The following CHD7 variants were observed in gnomAD, a reference collection of about 807,000 sequenced individuals.
CHD7 encodes the protein ATP-dependent chromatin remodeler CHD7.
In CHD7, 24 loss-of-function variants were observed where a neutral mutation model predicts 307.3. The ratio of observed to expected loss-of-function variants is 0.08; its 90% CI spans 0.06 to 0.11. The LOEUF (loss-of-function observed/expected upper bound fraction) is 0.11, where lower values mean the gene tolerates loss of function less well. Among genes scored for constraint, CHD7 ranks in the 10% least tolerant of loss-of-function variants. The pLI is 1.00. For synonymous variants in CHD7, 1,363 were observed against 1,349.9 expected (o/e 1.01, Z -0.21); for missense variants, 3,106 against 3,727.1 (o/e 0.83, Z 4.34).
chr8:60,686,033 T>A (rs1586159852), intron 1 of CHD7, among the ~76,000 whole-genome samples: 1 of 152,216 alleles, frequency 6.6e-6, no homozygotes, highest in Admixed American at 6.5e-5. Flanking sequence ...ATTAGGGGTC[T>A]GTTTCAAAGA....
At chr8:60,769,384 TTTAA>T (rs1367454492) in intron 2 of CHD7, among the ~76,000 whole-genome samples, 4 of 152,228 alleles carry the variant, frequency 2.6e-5, no homozygotes. Flanking sequence ...TCTTGGCTGT[TTTAA>T]TTGCCACCAT....
chr8:60,723,033 CATT>C (rs899994146), intron 1 of CHD7, among the ~76,000 whole-genome samples: 1 of 152,156 alleles, frequency 6.6e-6, no homozygotes, highest in African/African-American at 2.4e-5. Context: ...GGTTTTATAA[CATT>C]GTTCATTGGT....
At position 60,787,829 on chromosome 8, in the gene CHD7, CTT is replaced by C. The variant is rs33993174; in HGVS notation, c.2096+6417_2096+6418del. The stretch of plus-strand genomic sequence containing the variant: ...ACTCGGTAACTTGTAGATTTTCTTT[CTT>C]TTTTTTTTTTTTTTTTTGAAACAGA... On this transcript the variant is annotated intron_variant, in intron 3 of 37. Coordinates refer to ENST00000423902, the MANE Select transcript of CHD7 (RefSeq NM_017780.4). Among the ~76,000 whole-genome samples the C allele has an allele frequency of 4.6e-3, 502 of 108,804 alleles. 2 individuals carry two copies. Among genetic ancestry groups the C allele is most frequent in the African/African-American group, 0.011 (339 of 29,506 alleles). 71.4% of individuals were successfully genotyped at this position (108,804 alleles called of 152,430 possible). A position where few individuals can be genotyped will look rare whatever the true frequency, so the allele number is the denominator to read the frequency against.
At chr8:60,691,392 C>A (rs1806189006) in intron 1 of CHD7, among the ~76,000 whole-genome samples, 1 of 152,144 alleles carries the variant, frequency 6.6e-6, no homozygotes, top group Admixed American at 6.5e-5. Context: ...AAAAACGAGT[C>A]TTTTTATTCA....
At chr8:60,821,704 GTATAAACATATATATACACATATA>G in intron 9 of CHD7, 62 bp from the exon 10 acceptor site, 1 of 1,141,948 alleles carries the variant, frequency 8.8e-7, no homozygotes, top group East Asian at 2.6e-5. Flanking sequence ...ATATCTATAT[GTATAAACATATATATACACATATA>G]TATGTATATG....
chr8:60,731,151 C>T (rs1586230442), intron 1 of CHD7, among the ~76,000 whole-genome samples: 2 of 152,112 alleles, frequency 1.3e-5, no homozygotes, highest in African/African-American at 4.8e-5. Flanking sequence ...AGTAGTGATG[C>T]TGGTGATTTG....
intron 19 of CHD7, 39 bp downstream of exon 19, chr8:60,838,294 G>A (rs1325253201): frequency 6.4e-7 from 1 of 1,558,774 alleles, no homozygotes; most frequent in Non-Finnish European, 8.7e-7. Flanking sequence ...TTCCATAGAA[G>A]CATGACAGAG....
In CHD7 at chr8:60,785,140, A is replaced by G. The variant is rs143164307; in HGVS notation, c.2096+3710A>G. Among the ~76,000 whole-genome samples, 660 of 152,314 alleles carry G rather than the reference A, an allele frequency of 4.3e-3. 2 individuals carry two copies. Among genetic ancestry groups the G allele is most frequent in the Non-Finnish European group, 6.9e-3 (469 of 68,024 alleles). ...CATGTGCCTTGTGAGATGAGAAAGA[A>G]TTTGGAGGAAGTGCTTCCTTTGAAT... On this transcript the variant is annotated intron_variant, in intron 3 of 37. Transcript: ENST00000423902.
At chr8:60,739,044 A>G (rs1808855892) in intron 1 of CHD7, among the ~76,000 whole-genome samples, 1 of 152,138 alleles carries the variant, frequency 6.6e-6, no homozygotes, top group Non-Finnish European at 1.5e-5. Flanking sequence ...CACTTCTCCA[A>G]GCTTGATCTG....
intron 1 of CHD7, among the ~76,000 whole-genome samples, chr8:60,719,590 G>C (rs970588068): frequency 6.6e-6 from 1 of 152,108 alleles, no homozygotes; most frequent in African/African-American, 2.4e-5. Context: ...CACTCTGGGA[G>C]CCCTGGGGTA....
intron 2 of CHD7, among the ~76,000 whole-genome samples, chr8:60,763,375 C>CATGGCTG (rs1810315165): frequency 6.6e-6 from 1 of 152,114 alleles, no homozygotes; most frequent in African/African-American, 2.4e-5. Flanking sequence ...AGTAGCCACA[C>CATGGCTG]ATGGCTGGTG....
Position 60,849,066 on chromosome 8 carries a change from G to T in CHD7, c.5316G>T (p.Trp1772Cys). ...EGADSSEADVWIPEPFHAEVP... is the reference protein window; with the variant it reads ...EGADSSEADVCIPEPFHAEVP... ...TGTCTTTCAGTGAAGCCGATGTGTG[G>T]ATCCCTGAACCTTTCCATGCTGAAG... Residue 1772 changes from tryptophan to cysteine, a missense_variant, in exon 25 of 38, where the codon TGG becomes TGT. Trp to Cys is a radical substitution (Grantham distance 215). This residue lies in a region of CHD7 where 1,030 missense variants were observed against 1,165.4 expected (regional missense o/e 0.88). Transcript: ENST00000423902. The T allele has an allele frequency of 3.7e-6, 6 of 1,613,242 alleles. No homozygotes were observed. The South Asian group carries it at 6.6e-5, about 18-fold the overall frequency.
intron 2 of CHD7, among the ~76,000 whole-genome samples, chr8:60,771,818 A>C (rs1336512440): frequency 2.0e-5 from 3 of 152,156 alleles, no homozygotes; most frequent in Non-Finnish European, 4.4e-5. Flanking sequence ...AGTCTGCCTG[A>C]AGTTCTGCAC....
chr8:60,729,817 A>G (rs953012915), intron 1 of CHD7, among the ~76,000 whole-genome samples: 1 of 152,234 alleles, frequency 6.6e-6, no homozygotes, highest in African/African-American at 2.4e-5. Flanking sequence ...CTAACTTGAC[A>G]TGTACTTATT....
intron 1 of CHD7, among the ~76,000 whole-genome samples, chr8:60,687,076 C>G (rs185165229): frequency 2.0e-5 from 3 of 152,166 alleles, no homozygotes; most frequent in African/African-American, 7.2e-5. Flanking sequence ...CCACTGTGCC[C>G]TGTTATATCA....
intron 2 of CHD7, among the ~76,000 whole-genome samples, chr8:60,769,528 T>C (rs1470291179): frequency 1.3e-5 from 2 of 152,174 alleles, no homozygotes; most frequent in African/African-American, 4.8e-5. Context: ...GTTAGTTAGG[T>C]TTTATGCAGA....
chr8:60,858,664 A>G (rs988724111), intron 34 of CHD7, among the ~76,000 whole-genome samples: 2 of 152,192 alleles, frequency 1.3e-5, no homozygotes, highest in Admixed American at 1.3e-4. Context: ...CTGGAGCACA[A>G]TGGCGCAGTC....
In CHD7 at chr8:60,856,844, C is replaced by A. The variant is rs766692840; in HGVS notation, c.7564C>A (p.Leu2522Ile). 1.9e-6 allele frequency: 3 copies of A among 1,577,276 alleles called. No individual in the cohort carries two copies. Among genetic ancestry groups the A allele is most frequent in the South Asian group, 2.3e-5 (2 of 85,362 alleles). The change falls in exon 34 of 38, where the codon CTT becomes ATT. Residue 2522 changes from leucine (L) to isoleucine (I), a missense_variant. Leu to Ile is a conservative substitution (Grantham distance 5). Coordinates refer to ENST00000423902, the MANE Select transcript of CHD7 (RefSeq NM_017780.4). ...GGGAAGGAGGAAAAATGTGGAGGGACTTGATCTGCTTTTCATGAGCCACAA... is the reference window on the plus strand; with the variant it reads ...GGGAAGGAGGAAAAATGTGGAGGGAATTGATCTGCTTTTCATGAGCCACAA... ...RRGRRKNVEG[L>I]DLLFMSHKRT...
intron 1 of CHD7, among the ~76,000 whole-genome samples, chr8:60,682,442 CTG>C (rs1805678187): frequency 6.6e-6 from 1 of 152,164 alleles, no homozygotes; most frequent in Admixed American, 6.5e-5. Context: ...AGAAAATACA[CTG>C]TAAATGCTTC....
Sources: gnomAD v4.1 joint callset for allele counts (sites outside exome capture counted in the v4.1 genomes callset) on GRCh38, gnomAD v4.1.1 for gene constraint, gnomAD v4.1.1 regional missense constraint, MANE v1.5 for transcripts, NCBI Gene and HGNC (gene_info 2026-07-23, HGNC 2026-07-21) for gene names.